The following RIMS2 variants were observed in gnomAD, a reference collection of about 807,000 sequenced individuals.
The protein encoded by RIMS2 is regulating synaptic membrane exocytosis 2.
A neutral mutation model predicts 174.4 loss-of-function variants in RIMS2; 59 were observed. The observed-to-expected ratio is 0.34, with a 90% confidence interval of 0.27 to 0.42. The LOEUF is 0.42. Among genes scored for constraint, RIMS2 ranks in the 10% least tolerant of loss-of-function variants. The probability of loss-of-function intolerance (pLI) is 1.00; values close to 1 mark genes in which losing one functional copy is unlikely to be tolerated. For synonymous variants in RIMS2, 606 were observed against 572.5 expected (o/e 1.06, Z -0.84); for missense variants, 1,620 against 1,666.3 (o/e 0.97, Z 0.48).
At chr8:103,749,573 G>T (rs1376421322) in intron 2 of RIMS2, among the ~76,000 whole-genome samples, 1 of 152,054 alleles carries the variant, frequency 6.6e-6, no homozygotes, top group Non-Finnish European at 1.5e-5. Context: ...AGTTGTATTA[G>T]TCTGTTCTCA....
chr8:103,970,595 T>C (rs1264227529), intron 15 of RIMS2, among the ~76,000 whole-genome samples: 5 of 152,186 alleles, frequency 3.3e-5, no homozygotes. Context: ...TGTTCTTAAC[T>C]GATCCTCTAG....
At chr8:103,687,592 T>G (rs1427685602) in intron 1 of RIMS2, among the ~76,000 whole-genome samples, 3 of 152,112 alleles carry the variant, frequency 2.0e-5, no homozygotes, top group Non-Finnish European at 4.4e-5. Context: ...ACTATAGACA[T>G]CATGTTGTAC....
intron 16 of RIMS2, among the ~76,000 whole-genome samples, chr8:103,981,190 G>A (rs1482400773): frequency 2.0e-5 from 3 of 152,086 alleles, no homozygotes; most frequent in South Asian, 2.1e-4. Flanking sequence ...AGCCACAGGG[G>A]TGCTTGCATC....
chr8:103,865,050 A>G (rs186958564), intron 3 of RIMS2, among the ~76,000 whole-genome samples: 42 of 152,258 alleles, frequency 2.8e-4, no homozygotes, highest in African/African-American at 9.4e-4. Flanking sequence ...TTCCCTTCAT[A>G]GCACACATAG....
At chr8:104,187,771 T>C (rs1208279831) in intron 19 of RIMS2, among the ~76,000 whole-genome samples, 1 of 151,820 alleles carries the variant, frequency 6.6e-6, no homozygotes, top group Non-Finnish European at 1.5e-5. Flanking sequence ...TGAGATTCTA[T>C]AGTGGTAAGA....
intron 4 of RIMS2, among the ~76,000 whole-genome samples, chr8:103,899,941 T>C (rs2099318324): frequency 6.6e-6 from 1 of 151,776 alleles, no homozygotes; most frequent in Non-Finnish European, 1.5e-5. Flanking sequence ...TACCTATGGC[T>C]AGCAAGTTTT....
intron 1 of RIMS2, among the ~76,000 whole-genome samples, chr8:103,676,961 G>A (rs2096822997): frequency 6.6e-6 from 1 of 152,158 alleles, no homozygotes; most frequent in Non-Finnish European, 1.5e-5. Flanking sequence ...TCCAGCCTGG[G>A]TGACAGAGTA....
At chr8:104,036,821 G>A (rs945122147) in intron 19 of RIMS2, among the ~76,000 whole-genome samples, 8 of 152,066 alleles carry the variant, frequency 5.3e-5, no homozygotes, top group African/African-American at 1.9e-4. Context: ...AGCTTGCAGT[G>A]AGCCAAGATC....
chr8:103,887,717 C>T lies in RIMS2; in HGVS notation c.1624+1494C>T, dbSNP rs1005206037. Reference sequence around the variant, plus strand: ...GCTAGGTATGAAATGATTATGGAATCATTTTATACTGTACCAAAATAATTA... The same window carrying T: ...GCTAGGTATGAAATGATTATGGAATTATTTTATACTGTACCAAAATAATTA... On this transcript the variant is annotated intron_variant, in intron 4 of 23. Coordinates refer to ENST00000504942, the Ensembl canonical transcript of RIMS2. Among the ~76,000 whole-genome samples the T allele has an allele frequency of 6.6e-5, 10 of 151,470 alleles. 1 individual carries two copies. Among genetic ancestry groups the T allele is most frequent in the African/African-American group, 2.2e-4 (9 of 41,368 alleles).
chr8:104,154,918 A>C (rs989246109), intron 19 of RIMS2, among the ~76,000 whole-genome samples: 3 of 152,062 alleles, frequency 2.0e-5, no homozygotes, highest in Admixed American at 1.3e-4. Flanking sequence ...CCATGAGGCT[A>C]CATGATACAC....
chr8:103,582,491 C>T (rs1344137593), intron 1 of RIMS2, among the ~76,000 whole-genome samples: 1 of 152,048 alleles, frequency 6.6e-6, no homozygotes, highest in Non-Finnish European at 1.5e-5. Context: ...CTCTTGGGGT[C>T]CCCAATTCTA....
At chr8:103,897,621 A>G (rs1457969520) in intron 4 of RIMS2, among the ~76,000 whole-genome samples, 1 of 151,586 alleles carries the variant, frequency 6.6e-6, no homozygotes, top group East Asian at 1.9e-4. Flanking sequence ...ACCCTAGCTT[A>G]TGAGGGGCAC....
At position 104,192,919 on chromosome 8, in the gene RIMS2, C is replaced by T. The variant is rs115561460; in HGVS notation, c.3335-51997C>T. Reference sequence around the variant, plus strand: ...TGAAGAGACATTTAATGTATCATTACGCTATAATGAGATGTGCTGTTGATA... The same window carrying T: ...TGAAGAGACATTTAATGTATCATTATGCTATAATGAGATGTGCTGTTGATA... On this transcript the variant is annotated intron_variant, in intron 19 of 23. Transcript: ENST00000504942. 5.2e-3 allele frequency among the ~76,000 whole-genome samples: 792 copies of T among 152,184 alleles called. 10 individuals are homozygous for T. Among genetic ancestry groups the T allele is most frequent in the African/African-American group, 0.018 (739 of 41,540 alleles).
intron 3 of RIMS2, among the ~76,000 whole-genome samples, chr8:103,805,794 T>C (rs1353142500): frequency 1.3e-5 from 2 of 152,112 alleles, no homozygotes; most frequent in Non-Finnish European, 2.9e-5. Flanking sequence ...CAAATTCCTA[T>C]TGAGTTTTCT....
At chr8:103,605,232 G>A in intron 1 of RIMS2, among the ~76,000 whole-genome samples, 1 of 131,062 alleles carries the variant, frequency 7.6e-6, no homozygotes, top group Admixed American at 8.0e-5. Flanking sequence ...TTTGTCAAAG[G>A]CTTTTTCTGC....
intron 1 of RIMS2, among the ~76,000 whole-genome samples, chr8:103,626,075 G>A (rs2095777352): frequency 6.6e-6 from 1 of 152,054 alleles, no homozygotes. Context: ...AAGTGCATAA[G>A]TGAATTATAA....
At chr8:103,643,322 C>T (rs570140809) in intron 1 of RIMS2, among the ~76,000 whole-genome samples, 11 of 152,092 alleles carry the variant, frequency 7.2e-5, no homozygotes, top group South Asian at 6.2e-4. Flanking sequence ...ATGTTGTCTA[C>T]GTTTTACATT....
At chr8:103,877,134 T>C (rs769882404) in intron 3 of RIMS2, among the ~76,000 whole-genome samples, 1 of 151,506 alleles carries the variant, frequency 6.6e-6, no homozygotes, top group Non-Finnish European at 1.5e-5. Flanking sequence ...CTGTTTTCCA[T>C]AGTGGTTGTA....
chr8:103,885,403 A>C, exon 4 of RIMS2: 1 of 1,612,666 alleles, frequency 6.2e-7, no homozygotes, highest in Non-Finnish European at 8.5e-7. Context: ...CAATGCCTAG[A>C]TCTCCATCAG....
Sources: allele counts gnomAD v4.1 joint callset (sites outside exome capture counted in the v4.1 genomes callset), GRCh38; gene constraint gnomAD v4.1.1; transcripts MANE v1.5; gene names NCBI Gene and HGNC (gene_info 2026-07-23, HGNC 2026-07-21).